Variants in STRIP2 observed in about 807,000 individuals in gnomAD.
The protein encoded by STRIP2 is striatin-interacting protein 2.
STRIP2 carries 84 observed loss-of-function variants against 107.1 expected under a neutral mutation model. That is an observed-to-expected ratio of 0.78 (90% CI 0.66 to 0.94). The LOEUF (loss-of-function observed/expected upper bound fraction) is 0.94, where lower values mean the gene tolerates loss of function less well. Among genes scored for constraint, STRIP2 ranks in the 40% least tolerant of loss-of-function variants. The pLI is 0.00. For synonymous variants in STRIP2, 394 were observed against 400.4 expected, an observed-to-expected ratio of 0.98 and a Z score of 0.19; for missense variants, 888 against 1,034.2, an observed-to-expected ratio of 0.86 and a Z score of 1.94.
Position 129,482,907 on chromosome 7 carries a change from G to A in STRIP2, c.2115G>A (p.Leu705=). The A allele has an allele frequency of 6.2e-7, 1 of 1,614,126 alleles. No individual in the cohort carries two copies. The highest frequency in any genetic ancestry group is 1.3e-5 in the African/African-American group (1 of 75,020). The change falls in exon 20 of 21, where the codon CTG becomes CTA. Residue 705 remains leucine, a synonymous_variant. Transcript: ENST00000249344. ...CCCTCAAGGTCAAACAGGCCATGCT[G>A]CAACTTTATGTCCTAAAGCTACTAA... ...KRALKVKQAM[L]QLYVLKLLKL... is the part of the protein sequence containing the mutation.
At chr7:129,449,661 C>T (rs1798129694) in intron 3 of STRIP2, among the ~76,000 whole-genome samples, 1 of 152,204 alleles carries the variant, frequency 6.6e-6, no homozygotes, top group Non-Finnish European at 1.5e-5. Flanking sequence ...TTCCAAGTTT[C>T]AGGGTCCCAT....
intron 18 of STRIP2, 33 bp from the exon 19 acceptor site, chr7:129,480,752 T>C: frequency 1.3e-6 from 2 of 1,560,940 alleles, no homozygotes; most frequent in Non-Finnish European, 1.8e-6. Context: ...GCCTTGTAGG[T>C]ATTAAGATAA....
chr7:129,457,302 G>C (rs1364752561), intron 9 of STRIP2, among the ~76,000 whole-genome samples: 1 of 152,174 alleles, frequency 6.6e-6, no homozygotes, highest in African/African-American at 2.4e-5. Context: ...TGTACAGCAG[G>C]TTACTATACC....
chr7:129,441,824 A>C (rs712693), intron 2 of STRIP2, among the ~76,000 whole-genome samples: 128,728 of 152,126 alleles, frequency 0.85, 55,440 homozygotes, highest in East Asian at 0.96. Context: ...CCATGTTGCC[A>C]AGGCTGGTCC....
Position 129,458,595 on chromosome 7 carries a change from G to A in STRIP2, c.1275-117G>A. 1 of 1,311,998 alleles carries A rather than the reference G, an allele frequency of 7.6e-7. No homozygotes were observed. The highest frequency in any genetic ancestry group is 1.1e-6 in the Non-Finnish European group (1 of 933,644). The allele number at this position is 1,311,998 out of a possible 1,614,324, so 81.3% of individuals were successfully genotyped here. A position where few individuals can be genotyped will look rare whatever the true frequency, so the allele number is the denominator to read the frequency against. Reference sequence around the variant, plus strand: ...TTTGAAATTCCTTCTGTTGATTGCTGCCTTTTTCCACTGCTCCAGTCCTCT... The same window carrying A: ...TTTGAAATTCCTTCTGTTGATTGCTACCTTTTTCCACTGCTCCAGTCCTCT... On this transcript the variant is annotated intron_variant, in intron 10 of 20. Transcript: ENST00000249344. The surrounding 1 kb of genome is among the most constrained non-coding windows in gnomAD (Gnocchi z 4.6).
At chr7:129,464,341 C>T (rs1798618612) in intron 15 of STRIP2, among the ~76,000 whole-genome samples, 200 bp downstream of exon 15, 2 of 151,968 alleles carry the variant, frequency 1.3e-5, no homozygotes, top group South Asian at 4.2e-4. Context: ...TGGAGGGTGA[C>T]ACCAGTGCCA....
chr7:129,441,331 G>A (rs752366524), intron 2 of STRIP2, among the ~76,000 whole-genome samples: 4 of 152,114 alleles, frequency 2.6e-5, no homozygotes, highest in Non-Finnish European at 5.9e-5. Context: ...AGTTGAAGAT[G>A]TGCACATATT....
Position 129,458,529 on chromosome 7 carries a change from T to C in STRIP2, c.1274+79T>C, listed in dbSNP as rs1798433274. 7.5e-6 allele frequency: 10 copies of C among 1,333,874 alleles called. No homozygotes were observed. The highest frequency in any genetic ancestry group is 8.2e-6 in the Non-Finnish European group (8 of 976,950). 82.6% of individuals were successfully genotyped at this position (1,333,874 alleles called of 1,614,324 possible). A position where few individuals can be genotyped will look rare whatever the true frequency, so the allele number is the denominator to read the frequency against. ...GCCCAAGATGGGGTAGTCTATGTAT[T>C]CAAGGCTCGTTAAGTTGGTCTGGCA... On this transcript the variant is annotated intron_variant, in intron 10 of 20. Coordinates refer to ENST00000249344, the MANE Select transcript of STRIP2 (RefSeq NM_020704.3). This position sits in a 1 kb window ranked among gnomAD's most constrained non-coding sequence, Gnocchi z 4.6.
At position 129,482,837 on chromosome 7, in the gene STRIP2, A is replaced by C. The variant is rs1562920907; in HGVS notation, c.2050-5A>C. Reference sequence around the variant, plus strand: ...TCTTTACCCCACCCCTCTTTCAATGAACAGATGCTGGTAGTGTTTAAATCG... The same window carrying C: ...TCTTTACCCCACCCCTCTTTCAATGCACAGATGCTGGTAGTGTTTAAATCG... On this transcript the variant is annotated splice_region_variant and splice_polypyrimidine_tract_variant and intron_variant, in intron 19 of 20. Coordinates refer to ENST00000249344, the MANE Select transcript of STRIP2 (RefSeq NM_020704.3). The C allele has an allele frequency of 4.3e-6, 7 of 1,613,840 alleles. No homozygotes were observed. In the Admixed American group the frequency reaches 8.3e-5, roughly 19 times the overall value.
intron 3 of STRIP2, among the ~76,000 whole-genome samples, chr7:129,449,802 T>C (rs1798133457): frequency 6.6e-6 from 1 of 152,232 alleles, no homozygotes; most frequent in African/African-American, 2.4e-5. Context: ...GCTCTTTCTC[T>C]GCAGGAGATA....
At chr7:129,437,642 T>C (rs561130553) in intron 1 of STRIP2, among the ~76,000 whole-genome samples, 3 of 152,246 alleles carry the variant, frequency 2.0e-5, no homozygotes, top group Non-Finnish European at 2.9e-5. Flanking sequence ...TTTCATTTTT[T>C]GAATTTTTTA....
intron 17 of STRIP2, among the ~76,000 whole-genome samples, chr7:129,467,843 T>C (rs1798707457): frequency 6.6e-6 from 1 of 152,124 alleles, no homozygotes; most frequent in Admixed American, 6.5e-5. Flanking sequence ...TGTAATGTAT[T>C]ATACAAAATT....
In STRIP2 at chr7:129,452,875, CCT is replaced by C. The variant is rs553876073; in HGVS notation, c.410-351_410-350del. Reference sequence around the variant, plus strand: ...GTTTTATACTGTTTCCAAATTATCCCCTGAGTGAACTCTTTGGGCTTCCTTTT... The same window carrying C: ...GTTTTATACTGTTTCCAAATTATCCCGAGTGAACTCTTTGGGCTTCCTTTT... On this transcript the variant is annotated intron_variant, in intron 4 of 20. Coordinates refer to ENST00000249344, the MANE Select transcript of STRIP2 (RefSeq NM_020704.3). 4.1e-3 allele frequency among the ~76,000 whole-genome samples: 618 copies of C among 152,308 alleles called. 2 individuals carry two copies. The highest frequency in any genetic ancestry group is 0.014 in the Middle Eastern group (4 of 294).
chr7:129,464,861 C>G, intron 16 of STRIP2, 123 bp downstream of exon 16: 1 of 1,312,192 alleles, frequency 7.6e-7, no homozygotes, highest in Non-Finnish European at 1.1e-6. Context: ...TTTGTCCTCT[C>G]TCAGGGAATC....
chr7:129,477,050 CTGCAAT>C (rs1798977842), intron 18 of STRIP2, among the ~76,000 whole-genome samples: 2 of 150,764 alleles, frequency 1.3e-5, no homozygotes, highest in African/African-American at 4.9e-5. Context: ...CGGCGCGCGC[CTGCAAT>C]CGCAGGCACT....
intron 1 of STRIP2, among the ~76,000 whole-genome samples, chr7:129,437,996 G>A (rs1211004717): frequency 2.6e-5 from 4 of 152,016 alleles, no homozygotes; most frequent in Admixed American, 2.6e-4. Context: ...TAGTGGAGAC[G>A]GGGTTTCACC....
chr7:129,435,878 A>C (rs1469697848), intron 1 of STRIP2, among the ~76,000 whole-genome samples: 1 of 152,146 alleles, frequency 6.6e-6, no homozygotes, highest in African/African-American at 2.4e-5. Flanking sequence ...TCAGTTTCCA[A>C]AGTGATTTCA....
At chr7:129,476,441 GGGCTCCTC>G (rs1798949625) in intron 18 of STRIP2, among the ~76,000 whole-genome samples, 3 of 144,824 alleles carry the variant, frequency 2.1e-5, no homozygotes, top group African/African-American at 7.7e-5. Flanking sequence ...CCGGGCGGAG[GGGCTCCTC>G]ACTTCTCAGA....
chr7:129,464,629 G>C lies in STRIP2; in HGVS notation c.1667G>C (p.Ser556Thr). 6.2e-7 allele frequency: 1 copy of C among 1,614,064 alleles called. No homozygotes were observed. The highest frequency in any genetic ancestry group is 2.2e-5 in the East Asian group (1 of 44,864). The change falls in exon 16 of 21, where the codon AGC becomes ACC. Residue 556 changes from serine to threonine, a missense_variant. Coordinates refer to ENST00000249344, the MANE Select transcript of STRIP2 (RefSeq NM_020704.3). Reference sequence around the variant, plus strand: ...CATTGTAGCATCACTGTTCTCCAGAGCATGAAGCTGGGCATCGATGTGAAC... The same window carrying C: ...CATTGTAGCATCACTGTTCTCCAGACCATGAAGCTGGGCATCGATGTGAAC... Reference protein sequence around the residue: ...PEEMPITVLQSMKLGIDVNRH... With the variant: ...PEEMPITVLQTMKLGIDVNRH...
Sources: allele counts gnomAD v4.1 joint callset (sites outside exome capture counted in the v4.1 genomes callset), GRCh38; gene constraint gnomAD v4.1.1; non-coding constraint Gnocchi (gnomAD v3.1); transcripts MANE v1.5; gene names NCBI Gene and HGNC (gene_info 2026-07-23, HGNC 2026-07-21).